Variants in CELF4 observed in about 807,000 individuals in gnomAD.
CELF4 encodes the protein CUG-BP- and ETR-3-like factor 4.
CELF4 carries 18 observed loss-of-function variants against 59.9 expected under a neutral mutation model. The ratio of observed to expected loss-of-function variants is 0.30; its 90% confidence interval spans 0.21 to 0.45. The LOEUF is 0.45. Among genes scored for constraint, CELF4 ranks in the 20% least tolerant of loss-of-function variants. The pLI, the probability that CELF4 is intolerant of heterozygous loss-of-function variation, is 1.00. For missense variants in CELF4, 456 were observed against 689.0 expected (o/e 0.66, Z 3.79); for synonymous variants, 261 against 267.1 (o/e 0.98, Z 0.22).
chr18:37,501,268 CTGCTTAAG>C (rs1359136518), intron 1 of CELF4, among the ~76,000 whole-genome samples: 1 of 152,250 alleles, frequency 6.6e-6, no homozygotes, highest in Non-Finnish European at 1.5e-5. Flanking sequence ...TATAAAATCT[CTGCTTAAG>C]TGCAGGTTGA....
At chr18:37,269,897 G>GC (rs1405753793) in intron 8 of CELF4, among the ~76,000 whole-genome samples, 2 of 152,172 alleles carry the variant, frequency 1.3e-5, no homozygotes, top group South Asian at 2.1e-4. Flanking sequence ...TACTTCTTGG[G>GC]CCCCCCTTTC....
chr18:37,468,847 G>A (rs2099814814), intron 2 of CELF4, among the ~76,000 whole-genome samples: 3 of 152,168 alleles, frequency 2.0e-5, no homozygotes, highest in African/African-American at 4.8e-5. Context: ...TCACTATCAC[G>A]AGAACAGCAT....
At chr18:37,368,876 T>C (rs1286840998) in intron 2 of CELF4, among the ~76,000 whole-genome samples, 1 of 152,226 alleles carries the variant, frequency 6.6e-6, no homozygotes, top group East Asian at 1.9e-4. Context: ...TGTGCAAACA[T>C]GAAGACCTGG....
At chr18:37,292,187 T>C (rs1297981183) in intron 3 of CELF4, among the ~76,000 whole-genome samples, 2 of 152,114 alleles carry the variant, frequency 1.3e-5, no homozygotes, top group Non-Finnish European at 2.9e-5. Context: ...TTATTGTTGA[T>C]AAGCTACCTG....
intron 2 of CELF4, among the ~76,000 whole-genome samples, chr18:37,336,799 A>G (rs1268035787): frequency 1.3e-5 from 2 of 152,172 alleles, no homozygotes; most frequent in Admixed American, 6.5e-5. Context: ...GCCATTAAAC[A>G]CTAATTAGGT....
intron 3 of CELF4, among the ~76,000 whole-genome samples, chr18:37,318,727 G>A (rs577914198): frequency 1.3e-5 from 2 of 151,406 alleles, no homozygotes; most frequent in East Asian, 2.0e-4. Flanking sequence ...GGAGAAAGCC[G>A]ATGAGGTTAG....
intron 1 of CELF4, among the ~76,000 whole-genome samples, chr18:37,507,407 C>G (rs1166269398): frequency 6.6e-6 from 1 of 152,212 alleles, no homozygotes; most frequent in Non-Finnish European, 1.5e-5. Context: ...CTCATCTTCT[C>G]TGGTCTGATA....
chr18:37,322,361 G>A (rs907413488), intron 2 of CELF4, among the ~76,000 whole-genome samples: 4 of 152,240 alleles, frequency 2.6e-5, no homozygotes, highest in Middle Eastern at 3.2e-3. Context: ...GTACCAGCTC[G>A]CAGAAGTGGC....
At chr18:37,339,154 C>T (rs989953376) in intron 2 of CELF4, among the ~76,000 whole-genome samples, 1 of 152,240 alleles carries the variant, frequency 6.6e-6, no homozygotes, top group African/African-American at 2.4e-5. Context: ...TCTCCTGCCT[C>T]TCTCTCCTGC....
intron 2 of CELF4, among the ~76,000 whole-genome samples, chr18:37,385,666 C>T (rs2099091559): frequency 6.6e-6 from 1 of 152,208 alleles, no homozygotes; most frequent in Admixed American, 6.5e-5. Flanking sequence ...ATGGAGCCAG[C>T]CCTCCCTGAC....
intron 2 of CELF4, among the ~76,000 whole-genome samples, chr18:37,448,000 C>T (rs2154601490): frequency 6.6e-6 from 1 of 152,348 alleles, no homozygotes; most frequent in Non-Finnish European, 1.5e-5. Flanking sequence ...AGACGTATCT[C>T]TCCTCAGAGC....
At chr18:37,491,853 C>T (rs537098480) in intron 1 of CELF4, among the ~76,000 whole-genome samples, 1 of 152,198 alleles carries the variant, frequency 6.6e-6, no homozygotes, top group Middle Eastern at 3.2e-3. Flanking sequence ...GGGGGGAAAA[C>T]ACAGTGCAGC....
At chr18:37,494,306 A>G (rs1471200655) in intron 1 of CELF4, among the ~76,000 whole-genome samples, 1 of 152,210 alleles carries the variant, frequency 6.6e-6, no homozygotes, top group Non-Finnish European at 1.5e-5. Context: ...CCTTTTCAGC[A>G]AAGAGCTCCT....
chr18:37,270,251 G>GGTGC (rs2090492437), intron 8 of CELF4, among the ~76,000 whole-genome samples: 1 of 152,216 alleles, frequency 6.6e-6, no homozygotes, highest in African/African-American at 2.4e-5. Context: ...ACCTGTCCAT[G>GGTGC]GTGCTGATCA....
chr18:37,536,793 G>T (rs551054241), intron 1 of CELF4, among the ~76,000 whole-genome samples: 1 of 152,096 alleles, frequency 6.6e-6, no homozygotes, highest in South Asian at 2.1e-4. Flanking sequence ...GTGTGCAGGC[G>T]GCCCAGGCTT....
At position 37,308,043 on chromosome 18, in the gene CELF4, G is replaced by T. The variant is rs1002493893; in HGVS notation, c.448+13760C>A. ...TGGGCAGGGCAGGGATGGCTTTGGG[G>T]CATACATTTCATAGCAATGACGGGC... On this transcript the variant is annotated intron_variant, in intron 3 of 12. Coordinates refer to ENST00000420428, the MANE Select transcript of CELF4 (RefSeq NM_020180.4). Among the ~76,000 whole-genome samples the T allele has an allele frequency of 2.6e-5, 4 of 151,950 alleles. No homozygotes were observed. The East Asian group carries it at 5.8e-4, about 22-fold the overall frequency.
intron 1 of CELF4, among the ~76,000 whole-genome samples, chr18:37,495,319 G>A (rs1232225657): frequency 2.0e-5 from 3 of 152,196 alleles, no homozygotes; most frequent in East Asian, 3.9e-4. Flanking sequence ...GATGAAGCTA[G>A]GCATCTTCAC....
intron 2 of CELF4, among the ~76,000 whole-genome samples, chr18:37,465,472 G>C (rs1469395569): frequency 6.6e-6 from 1 of 152,112 alleles, no homozygotes; most frequent in African/African-American, 2.4e-5. Context: ...GTGGACACTG[G>C]GGGAGGGCTC....
chr18:37,516,829 C>T (rs547210824), intron 1 of CELF4, among the ~76,000 whole-genome samples: 144 of 152,292 alleles, frequency 9.5e-4, no homozygotes, highest in Middle Eastern at 3.4e-3. Context: ...CCAACAACTG[C>T]GCTCCTTAGC....
Sources: gnomAD v4.1 joint callset for allele counts (sites outside exome capture counted in the v4.1 genomes callset) on GRCh38, gnomAD v4.1.1 for gene constraint, MANE v1.5 for transcripts, NCBI Gene and HGNC (gene_info 2026-07-23, HGNC 2026-07-21) for gene names.